STX8: variants seen among roughly 807,000 people sequenced by gnomAD.
STX8 encodes the protein syntaxin-8.
A neutral mutation model predicts 37.5 loss-of-function variants in STX8; 23 were observed. The ratio of observed to expected loss-of-function variants is 0.61; its 90% CI spans 0.44 to 0.87. The LOEUF is 0.87. STX8 is among the 40% of genes least tolerant of loss of function. The pLI, the probability that STX8 is intolerant of heterozygous loss-of-function variation, is 0.00. For missense variants in STX8, 313 were observed against 284.7 expected (o/e 1.10, Z -0.71); for synonymous variants, 115 against 99.1 (o/e 1.16, Z -0.95).
chr17:9,393,166 T>C (rs1418706471), intron 6 of STX8, among the ~76,000 whole-genome samples: 1 of 152,030 alleles, frequency 6.6e-6, no homozygotes, highest in Non-Finnish European at 1.5e-5. Flanking sequence ...GGATTTCTCA[T>C]CAAAAATCAG....
intron 4 of STX8, among the ~76,000 whole-genome samples, chr17:9,518,964 A>G (rs890754435): frequency 6.6e-6 from 1 of 151,964 alleles, no homozygotes; most frequent in African/African-American, 2.4e-5. Flanking sequence ...TTGAGTCATT[A>G]TGGTGGTGAA....
chr17:9,258,479 T>G (rs1340128329), intron 7 of STX8, among the ~76,000 whole-genome samples: 1 of 152,204 alleles, frequency 6.6e-6, no homozygotes. Context: ...TGTGCTCTGC[T>G]GGGGGACCCA....
rs914750083 is a variant in STX8 at position 9,271,990 on chromosome 17, G to A, written c.644-21345C>T. On this transcript the variant is annotated intron_variant, in intron 7 of 7. Transcript: ENST00000306357. ...AGTCACTGTCCTGGGGGCAAAGCAG[G>A]TACCCAGTGACTGTCCCTGCTGATG... Among the ~76,000 whole-genome samples, 8 of 152,306 alleles carry A rather than the reference G, an allele frequency of 5.3e-5. No homozygotes were observed. The South Asian group carries it at 1.5e-3, about 28-fold the overall frequency.
intron 7 of STX8, among the ~76,000 whole-genome samples, chr17:9,304,517 AAAAAAAAAAAAAG>A (rs1908896802): frequency 2.0e-5 from 3 of 151,068 alleles, no homozygotes; most frequent in African/African-American, 7.3e-5. Context: ...CAAAAAAAAA[AAAAAAAAAAAAAG>A]AAAAAAGAAA....
At chr17:9,252,850 GCT>G (rs1004825471) in intron 7 of STX8, among the ~76,000 whole-genome samples, 3 of 152,138 alleles carry the variant, frequency 2.0e-5, no homozygotes, top group African/African-American at 7.2e-5. Flanking sequence ...ATCTAGCTGT[GCT>G]CTGTTTTTGT....
chr17:9,300,820 T>C (rs1174327621), intron 7 of STX8, among the ~76,000 whole-genome samples: 2 of 149,114 alleles, frequency 1.3e-5, no homozygotes, highest in Non-Finnish European at 3.0e-5. Flanking sequence ...TGGGACATTC[T>C]TATTTTGTTC....
At chr17:9,514,144 G>GTCTCCAGTAGCTAGAAGGA (rs1905102156) in intron 4 of STX8, among the ~76,000 whole-genome samples, 1 of 152,212 alleles carries the variant, frequency 6.6e-6, no homozygotes, top group Non-Finnish European at 1.5e-5. Context: ...TAACAATAAA[G>GTCTCCAGTAGCTAGAAGGA]TCTCCAGTAG....
intron 6 of STX8, among the ~76,000 whole-genome samples, chr17:9,459,557 C>A (rs1311496818): frequency 6.6e-6 from 1 of 152,212 alleles, no homozygotes; most frequent in South Asian, 2.1e-4. Context: ...GCTCTGTCGT[C>A]CAGGCTGGAG....
intron 7 of STX8, among the ~76,000 whole-genome samples, chr17:9,299,468 G>C (rs1160577538): frequency 7.3e-6 from 1 of 137,258 alleles, no homozygotes. Context: ...TTTGAGACAA[G>C]AGTCTCACTC....
chr17:9,349,452 C>T (rs1321506098), intron 7 of STX8, among the ~76,000 whole-genome samples: 1 of 150,546 alleles, frequency 6.6e-6, no homozygotes, highest in Non-Finnish European at 1.5e-5. Context: ...TCCTGAGTAG[C>T]TGGAATTAGA....
intron 5 of STX8, among the ~76,000 whole-genome samples, chr17:9,504,338 A>T (rs566466131): frequency 7.5e-5 from 11 of 147,432 alleles, no homozygotes; most frequent in African/African-American, 2.5e-4. Context: ...AAGAAAGTTT[A>T]AAAAAAAAAA....
At chr17:9,378,529 G>A in intron 7 of STX8, 23 bp downstream of exon 7, 2 of 1,583,802 alleles carry the variant, frequency 1.3e-6, no homozygotes, top group Non-Finnish European at 1.7e-6. Flanking sequence ...CAGAAACAGA[G>A]CCATAACGTA....
At chr17:9,306,566 A>G (rs1285803946) in intron 7 of STX8, among the ~76,000 whole-genome samples, 1 of 149,432 alleles carries the variant, frequency 6.7e-6, no homozygotes, top group Non-Finnish European at 1.5e-5. Flanking sequence ...CCTGGCCAAC[A>G]TGGTGAAAAC....
At chr17:9,272,736 C>G (rs1907514700) in intron 7 of STX8, among the ~76,000 whole-genome samples, 1 of 152,214 alleles carries the variant, frequency 6.6e-6, no homozygotes, top group Admixed American at 6.5e-5. Context: ...GAAGTATATT[C>G]TTTACGCCCG....
intron 4 of STX8, among the ~76,000 whole-genome samples, chr17:9,533,205 G>A (rs905699603): frequency 5.3e-5 from 8 of 152,220 alleles, no homozygotes; most frequent in Admixed American, 1.3e-4. Flanking sequence ...GATGGCTCAC[G>A]CCTTGTAATG....
At chr17:9,368,570 C>T (rs1425092244) in intron 7 of STX8, among the ~76,000 whole-genome samples, 1 of 152,160 alleles carries the variant, frequency 6.6e-6, no homozygotes, top group African/African-American at 2.4e-5. Flanking sequence ...TCCTGCCATT[C>T]CCACATCACC....
At chr17:9,494,408 C>T (rs1361122979) in intron 5 of STX8, among the ~76,000 whole-genome samples, 1 of 151,430 alleles carries the variant, frequency 6.6e-6, no homozygotes, top group Admixed American at 6.6e-5. Context: ...GCGGGCAGAT[C>T]ACTTAAGCCC....
At chr17:9,489,947 C>G (rs540785559) in intron 6 of STX8, among the ~76,000 whole-genome samples, 35 of 152,100 alleles carry the variant, frequency 2.3e-4, no homozygotes, top group Non-Finnish European at 4.7e-4. Context: ...CTCAGCCTGC[C>G]AAAGTGCTGT....
chr17:9,267,752 C>CT (rs758638717), intron 7 of STX8, among the ~76,000 whole-genome samples: 6 of 152,060 alleles, frequency 3.9e-5, no homozygotes, highest in Non-Finnish European at 8.8e-5. Flanking sequence ...ACTTTGGGAG[C>CT]CAGAGGCAGG....
Sources: gnomAD v4.1 joint callset for allele counts (sites outside exome capture counted in the v4.1 genomes callset) on GRCh38, gnomAD v4.1.1 for gene constraint, MANE v1.5 for transcripts, NCBI Gene and HGNC (gene_info 2026-07-23, HGNC 2026-07-21) for gene names.